Variants in GALP observed in about 807,000 individuals in gnomAD.
The protein encoded by GALP is galanin like peptide.
A neutral mutation model predicts 15.2 loss-of-function variants in GALP; 12 were observed. That is an observed-to-expected ratio of 0.79 (90% CI 0.51 to 1.28). The LOEUF is 1.28. Ranked by LOEUF, GALP falls within the 50% of genes most tolerant of loss-of-function variation. GALP has a pLI of 0.00. For synonymous variants in GALP, 58 were observed against 55.1 expected (o/e 1.05, Z -0.23); for missense variants, 161 against 145.6 (o/e 1.11, Z -0.55).
intron 5 of GALP, 56 bp from the exon 6 acceptor site, chr19:56,185,159 G>A (rs1306723575): frequency 7.1e-6 from 8 of 1,121,276 alleles, no homozygotes; most frequent in Non-Finnish European, 9.5e-6. Flanking sequence ...AAATTAGCTG[G>A]GTGGGGAGTG....
intron 3 of GALP, among the ~76,000 whole-genome samples, chr19:56,181,025 T>G (rs1226826809): frequency 6.7e-6 from 1 of 150,338 alleles, no homozygotes; most frequent in African/African-American, 2.5e-5. Flanking sequence ...CCCGAGTAGT[T>G]TAAGCGATTC....
At chr19:56,184,304 C>G (rs1403089815) in intron 5 of GALP, among the ~76,000 whole-genome samples, 1 of 152,064 alleles carries the variant, frequency 6.6e-6, no homozygotes, top group Non-Finnish European at 1.5e-5. Context: ...ATAGTAGGTA[C>G]TTGGTAAATA....
At chr19:56,180,921 T>C (rs1039221009) in intron 3 of GALP, among the ~76,000 whole-genome samples, 12 of 105,570 alleles carry the variant, frequency 1.1e-4, no homozygotes, top group African/African-American at 3.7e-4. Flanking sequence ...CTTTCTTTTT[T>C]TTTTTTTTTT....
intron 3 of GALP, 126 bp downstream of exon 3, chr19:56,180,760 T>C (rs2032550107): frequency 1.3e-6 from 1 of 760,290 alleles, no homozygotes; most frequent in Admixed American, 2.0e-5. Context: ...TATTTGCAGA[T>C]CTGTCTGGAG....
At position 56,185,775 on chromosome 19, in the gene GALP, C is replaced by T. The variant is rs915823818; in HGVS notation, c.*505C>T. 2 of 152,268 alleles carry T rather than the reference C, an allele frequency of 1.3e-5. No individual in the cohort carries two copies. Among genetic ancestry groups the T allele is most frequent in the African/African-American group, 4.8e-5 (2 of 41,438 alleles). The allele number at this position is 152,268 out of a possible 1,614,324, so 9.4% of individuals were successfully genotyped here. On this transcript the variant is annotated 3_prime_UTR_variant, in exon 6 of 6. Coordinates refer to ENST00000357330, the MANE Select transcript of GALP (RefSeq NM_033106.4). Reference sequence around the variant, plus strand: ...AGAGAATAAAATGTTTCTTGTCAAACACTCCATTTTTTCCCTTTTAATTAG... The same window carrying T: ...AGAGAATAAAATGTTTCTTGTCAAATACTCCATTTTTTCCCTTTTAATTAG...
At chr19:56,176,630 G>T (rs1336000997) in intron 1 of GALP, among the ~76,000 whole-genome samples, 1 of 136,608 alleles carries the variant, frequency 7.3e-6, no homozygotes, top group African/African-American at 2.7e-5. Context: ...CCTAGGCCAG[G>T]AGGGCAGAGG....
chr19:56,177,033 C>T (rs2032475274), intron 1 of GALP, 37 bp from the exon 2 acceptor site: 6 of 1,096,868 alleles, frequency 5.5e-6, no homozygotes, highest in Non-Finnish European at 8.1e-6. Flanking sequence ...CACCTGGCCC[C>T]CGCTTCGGAA....
intron 2 of GALP, among the ~76,000 whole-genome samples, 187 bp downstream of exon 2, chr19:56,177,382 G>A (rs1294875807): frequency 1.3e-5 from 2 of 151,934 alleles, no homozygotes; most frequent in South Asian, 2.1e-4. Flanking sequence ...ATGGTGGCAC[G>A]TGCCTGTAGT....
rs754095149 is a variant in GALP, at chr19:56,185,204, C to A, written c.296-11C>A. ...AAAACCATTCAAAGTTTACCTCTTT[C>A]TTTCCCACAGATCTGGGCATGCTCA... On this transcript the variant is annotated splice_polypyrimidine_tract_variant and intron_variant, in intron 5 of 5. Transcript: ENST00000357330. The A allele has an allele frequency of 8.8e-6, 14 of 1,592,638 alleles. 1 individual carries two copies. In the South Asian group the frequency reaches 1.2e-4, roughly 14 times the overall value.
At chr19:56,179,171 G>A (rs1444554916) in intron 2 of GALP, among the ~76,000 whole-genome samples, 1 of 152,088 alleles carries the variant, frequency 6.6e-6, no homozygotes, top group Non-Finnish European at 1.5e-5. Flanking sequence ...AGTGAGACGC[G>A]AGACTCCATC....
Position 56,183,179 on chromosome 19 carries a change from G to T in GALP, c.262G>T (p.Val88Leu), listed in dbSNP as rs770414156. The T allele has an allele frequency of 3.2e-5, 52 of 1,613,882 alleles. No individual in the cohort carries two copies. The highest frequency in any genetic ancestry group is 4.2e-5 in the Non-Finnish European group (50 of 1,179,888). The change falls in exon 5 of 6, where the codon GTG (valine) becomes TTG (leucine). Residue 88 changes from valine (V) to leucine (L), a missense_variant. Coordinates refer to ENST00000357330, the MANE Select transcript of GALP (RefSeq NM_033106.4). ...SHPPQPSKRN[V>L]METFAKPEIG... ...CCCTCCACAGCCCTCCAAGAGGAAT[G>T]TGATGGAGACGTTTGCCAAACCAGA...
chr19:56,182,466 G>A (rs1024291299), intron 4 of GALP, among the ~76,000 whole-genome samples: 1 of 152,128 alleles, frequency 6.6e-6, no homozygotes, highest in Admixed American at 6.6e-5. Flanking sequence ...GTGAAATTCC[G>A]AATCCTGTTT....
At chr19:56,183,962 A>ATT (rs1000748856) in intron 5 of GALP, among the ~76,000 whole-genome samples, 1 of 142,848 alleles carries the variant, frequency 7.0e-6, no homozygotes, top group African/African-American at 2.6e-5. Context: ...CATTCATTCT[A>ATT]TTTTTTTTTT....
Position 56,183,139 on chromosome 19 carries a change from G to T in GALP, c.222G>T (p.Gly74=), listed in dbSNP as rs1226643339. Residue 74 remains glycine, a synonymous_variant, in exon 5 of 6, where the codon GGG becomes GGT. Transcript: ENST00000357330. ...EILDLWKAID[G]LPYSHPPQPS... Reference sequence around the variant, plus strand: ...ATGTTGTATTTTTGTTTCTAGACGGGCTCCCCTACTCCCACCCTCCACAGC... The same window carrying T: ...ATGTTGTATTTTTGTTTCTAGACGGTCTCCCCTACTCCCACCCTCCACAGC... 9.9e-6 allele frequency: 16 copies of T among 1,611,518 alleles called. No homozygotes were observed. Among genetic ancestry groups the T allele is most frequent in the East Asian group, 2.2e-5 (1 of 44,870 alleles).
chr19:56,177,404 A>G (rs1401369892), intron 2 of GALP, among the ~76,000 whole-genome samples: 2 of 151,450 alleles, frequency 1.3e-5, no homozygotes, highest in South Asian at 2.1e-4. Context: ...CCAGCTACTC[A>G]GGAGGCTGAG....
intron 2 of GALP, among the ~76,000 whole-genome samples, chr19:56,179,424 C>T (rs1286587839): frequency 2.6e-5 from 4 of 151,126 alleles, no homozygotes; most frequent in African/African-American, 7.3e-5. Flanking sequence ...TCTCGTGCCT[C>T]AGCCTCCCGA....
intron 4 of GALP, among the ~76,000 whole-genome samples, chr19:56,182,802 C>G (rs1279033615): frequency 6.6e-6 from 1 of 152,142 alleles, no homozygotes; most frequent in Non-Finnish European, 1.5e-5. Flanking sequence ...AGGAGATCTG[C>G]CCCCATCAGT....
Position 56,182,203 on chromosome 19 carries a change from C to T in GALP, c.168C>T (p.Asp56=), listed in dbSNP as rs377761776. 65 of 1,613,966 alleles carry T rather than the reference C, an allele frequency of 4.0e-5. No individual in the cohort carries two copies. Among genetic ancestry groups the T allele is most frequent in the South Asian group, 1.3e-4 (12 of 91,068 alleles). The stretch of plus-strand genomic sequence containing the variant: ...ACCTTCCCCAAATGGGTGACCAAGA[C>T]GGAAAGAGGGAGACAGCCCTTGAGA... ...VLHLPQMGDQ[D]GKRETALEIL... is the part of the protein sequence containing the mutation. The change falls in exon 4 of 6, where the codon GAC becomes GAT. Residue 56 remains aspartate, a synonymous_variant. Transcript: ENST00000357330.
intron 1 of GALP, 24 bp downstream of exon 1, chr19:56,176,086 AGAGGGG>A (rs2032450435): frequency 3.0e-5 from 5 of 167,222 alleles, no homozygotes; most frequent in African/African-American, 7.4e-5. Flanking sequence ...CCAGGAGGGC[AGAGGGG>A]CGGATCCCAG....
Sources: allele counts gnomAD v4.1 joint callset (sites outside exome capture counted in the v4.1 genomes callset), GRCh38; gene constraint gnomAD v4.1.1; transcripts MANE v1.5; gene names NCBI Gene and HGNC (gene_info 2026-07-23, HGNC 2026-07-21).